Variants in NRG3 observed in about 807,000 individuals in gnomAD.
The protein encoded by NRG3 is neuregulin 3.
NRG3 carries 31 observed loss-of-function variants against 66.9 expected under a neutral mutation model. The ratio of observed to expected loss-of-function variants is 0.46; its 90% CI spans 0.35 to 0.63. The LOEUF (loss-of-function observed/expected upper bound fraction) is 0.63, where lower values mean the gene tolerates loss of function less well. Ranked by LOEUF, NRG3 falls within the 20% of genes least tolerant of loss-of-function variation. The probability of loss-of-function intolerance (pLI) is 0.00; values close to 1 mark genes in which losing one functional copy is unlikely to be tolerated. For synonymous variants in NRG3, 393 were observed against 359.4 expected (o/e 1.09, Z -1.06); for missense variants, 910 against 878.9 (o/e 1.04, Z -0.45).
chr10:82,200,638 G>T (rs1028563451), intron 1 of NRG3, among the ~76,000 whole-genome samples: 1 of 152,144 alleles, frequency 6.6e-6, no homozygotes, highest in African/African-American at 2.4e-5. Context: ...GCAAGAGGAA[G>T]AGAGAAAGTA....
chr10:82,562,387 GT>G lies in NRG3; in HGVS notation c.954-176185del, dbSNP rs1012327853. 1.0e-3 allele frequency among the ~76,000 whole-genome samples: 153 copies of G among 152,132 alleles called. 1 individual carries two copies. Among genetic ancestry groups the G allele is most frequent in the African/African-American group, 3.0e-3 (124 of 41,522 alleles). On this transcript the variant is annotated intron_variant, in intron 2 of 8. Transcript: ENST00000372141. ...AACCAATACAGACTGTTCAACTTTT[GT>G]TTTTATTTTGTTGAAAGGTCTTTCT...
intron 1 of NRG3, among the ~76,000 whole-genome samples, chr10:81,973,112 C>T (rs1158504645): frequency 6.6e-6 from 1 of 152,062 alleles, no homozygotes; most frequent in Non-Finnish European, 1.5e-5. Flanking sequence ...TGTTGTTCCC[C>T]TCTATGTGTC....
intron 3 of NRG3, among the ~76,000 whole-genome samples, chr10:82,755,361 C>G (rs2059035173): frequency 6.6e-6 from 1 of 152,210 alleles, no homozygotes. Flanking sequence ...TCTTCTCAAA[C>G]AATCAACCTC....
At chr10:82,317,012 A>G (rs563537496) in intron 1 of NRG3, among the ~76,000 whole-genome samples, 1 of 152,124 alleles carries the variant, frequency 6.6e-6, no homozygotes, top group African/African-American at 2.4e-5. Flanking sequence ...TACCTTTCCA[A>G]TCAGCTGGTT....
intron 3 of NRG3, among the ~76,000 whole-genome samples, chr10:82,740,520 A>G (rs565313564): frequency 1.3e-5 from 2 of 152,176 alleles, no homozygotes; most frequent in East Asian, 3.9e-4. Context: ...TTCAATGTCT[A>G]TTAAATTGCT....
At chr10:82,122,762 T>A (rs1433634292) in intron 1 of NRG3, among the ~76,000 whole-genome samples, 1 of 152,212 alleles carries the variant, frequency 6.6e-6, no homozygotes, top group Non-Finnish European at 1.5e-5. Context: ...CCATGTGTTA[T>A]GTGTGTCAAC....
chr10:82,868,458 G>T (rs886671589), intron 4 of NRG3, among the ~76,000 whole-genome samples: 1 of 152,046 alleles, frequency 6.6e-6, no homozygotes, highest in Non-Finnish European at 1.5e-5. Context: ...GACTCCAACG[G>T]TAGAAATTTT....
chr10:82,909,582 A>G (rs548569697), intron 4 of NRG3, among the ~76,000 whole-genome samples: 2 of 152,338 alleles, frequency 1.3e-5, no homozygotes, highest in Non-Finnish European at 1.5e-5. Flanking sequence ...CCACACAAGT[A>G]TGCCCACAAT....
intron 1 of NRG3, among the ~76,000 whole-genome samples, chr10:82,235,648 G>A (rs992276056): frequency 7.2e-5 from 11 of 152,014 alleles, no homozygotes; most frequent in Non-Finnish European, 1.2e-4. Flanking sequence ...TTTATCTCCC[G>A]TAGCACACAG....
intron 1 of NRG3, among the ~76,000 whole-genome samples, chr10:81,982,856 G>A (rs1212301388): frequency 6.6e-6 from 1 of 152,138 alleles, no homozygotes; most frequent in African/African-American, 2.4e-5. Context: ...TATGATTTTG[G>A]AAAGACAGTT....
At chr10:82,322,524 T>C (rs569765095) in intron 1 of NRG3, among the ~76,000 whole-genome samples, 23 of 152,058 alleles carry the variant, frequency 1.5e-4, no homozygotes, top group South Asian at 1.2e-3. Flanking sequence ...AAAAGGATTA[T>C]GTTCCATATT....
intron 1 of NRG3, among the ~76,000 whole-genome samples, chr10:82,170,663 T>C (rs1257652024): frequency 1.1e-5 from 1 of 92,618 alleles, no homozygotes; most frequent in Admixed American, 1.2e-4. Flanking sequence ...GGTATATATA[T>C]ATATATATAT....
intron 2 of NRG3, among the ~76,000 whole-genome samples, chr10:82,705,501 G>C (rs2056221796): frequency 6.6e-6 from 1 of 152,138 alleles, no homozygotes; most frequent in Non-Finnish European, 1.5e-5. Flanking sequence ...CAGCTGGCCT[G>C]TTACCTACAT....
chr10:82,461,972 A>T (rs1219473874), intron 2 of NRG3, among the ~76,000 whole-genome samples: 3 of 152,108 alleles, frequency 2.0e-5, no homozygotes, highest in Non-Finnish European at 2.9e-5. Context: ...CTCTACTAAA[A>T]ATACAAAAAT....
intron 1 of NRG3, among the ~76,000 whole-genome samples, chr10:82,084,480 CCA>C (rs1198169770): frequency 6.8e-6 from 1 of 146,868 alleles, no homozygotes; most frequent in Non-Finnish European, 1.5e-5. Flanking sequence ...TAGCTAGTCT[CCA>C]AATTTGGGAC....
chr10:82,188,646 T>G (rs1564645076), intron 1 of NRG3, among the ~76,000 whole-genome samples: 1 of 152,046 alleles, frequency 6.6e-6, no homozygotes, highest in Non-Finnish European at 1.5e-5. Context: ...GGCAAAAGAT[T>G]TGAATAAACA....
At chr10:82,335,288 G>GATATAGCCAATGATGGCTCAGCAGA (rs1379984448) in intron 1 of NRG3, among the ~76,000 whole-genome samples, 2 of 152,140 alleles carry the variant, frequency 1.3e-5, no homozygotes, top group Non-Finnish European at 2.9e-5. Context: ...GGCTCAGCAG[G>GATATAGCCAATGATGGCTCAGCAGA]ATATAGCCAA....
At chr10:82,505,609 T>A (rs1254103171) in intron 2 of NRG3, among the ~76,000 whole-genome samples, 1 of 152,140 alleles carries the variant, frequency 6.6e-6, no homozygotes, top group Admixed American at 6.5e-5. Context: ...TTTCTCCCCC[T>A]TTGCAGTGAT....
chr10:82,020,430 G>T (rs765950313), intron 1 of NRG3, among the ~76,000 whole-genome samples: 2 of 152,058 alleles, frequency 1.3e-5, no homozygotes, highest in Non-Finnish European at 2.9e-5. Context: ...CACTCTCACA[G>T]AGGATACATT....
Sources: allele counts gnomAD v4.1 joint callset (sites outside exome capture counted in the v4.1 genomes callset), GRCh38; gene constraint gnomAD v4.1.1; transcripts MANE v1.5; gene names NCBI Gene and HGNC (gene_info 2026-07-23, HGNC 2026-07-21).